MYOM1: variants seen among roughly 807,000 people sequenced by gnomAD.
The protein encoded by MYOM1 is myomesin 1.
A neutral mutation model predicts 205.3 loss-of-function variants in MYOM1; 164 were observed. That is an observed-to-expected ratio of 0.80 (90% CI 0.70 to 0.91). The LOEUF (loss-of-function observed/expected upper bound fraction) is 0.91. MYOM1 is among the 40% of genes least tolerant of loss of function. MYOM1 has a pLI of 0.00. For synonymous variants in MYOM1, 772 were observed against 789.4 expected, an observed-to-expected ratio of 0.98 and a Z score of 0.37; for missense variants, 2,011 against 2,127.3, an observed-to-expected ratio of 0.95 and a Z score of 1.08.
intron 5 of MYOM1, among the ~76,000 whole-genome samples, chr18:3,182,543 C>T (rs527977989): frequency 1.3e-4 from 20 of 152,306 alleles, no homozygotes; most frequent in Non-Finnish European, 2.5e-4. Flanking sequence ...AATACGTTTA[C>T]ATGGTTCAAG....
chr18:3,243,913 C>A, the MYOM1 span, among the ~76,000 whole-genome samples: 1 of 151,976 alleles, frequency 6.6e-6, no homozygotes, highest in African/African-American at 2.4e-5. Flanking sequence ...TTAGATCTCA[C>A]TTGGGGAAAA....
At chr18:3,128,380 T>G (rs550408444) in intron 18 of MYOM1, among the ~76,000 whole-genome samples, 357 of 152,330 alleles carry the variant, frequency 2.3e-3, no homozygotes, top group Non-Finnish European at 3.8e-3. Context: ...TATCAGCACA[T>G]GTGCTTCAGT....
chr18:3,139,947 T>C lies in MYOM1; in HGVS notation c.2025+1992A>G, dbSNP rs370119967. On this transcript the variant is annotated intron_variant, in intron 14 of 37. Coordinates refer to ENST00000356443, the MANE Select transcript of MYOM1 (RefSeq NM_003803.4). ...GCAGAAAACGCCTCCAAATAGTTGT[T>C]ATGTGCCCTTATTATAGGAAAGATG... is the stretch of plus-strand genomic sequence containing the variant. Among the ~76,000 whole-genome samples, 39 of 152,322 alleles carry C rather than the reference T, an allele frequency of 2.6e-4. 1 individual carries two copies. The South Asian group carries it at 7.7e-3, about 30-fold the overall frequency.
Position 3,151,753 on chromosome 18 carries a change from G to A in MYOM1, c.1784C>T (p.Pro595Leu), listed in dbSNP as rs781765438. ...AGCCACGGGCTCGGAAACTCGAGAT[G>A]GGAAACCTATTCCCATTTTATTCAC... is the stretch of plus-strand genomic sequence containing the variant. Reference protein sequence around the residue: ...RAVNKMGIGFPSRVSEPVAAL... With the variant: ...RAVNKMGIGFLSRVSEPVAAL... The change falls in exon 12 of 38, where the codon CCA becomes CTA. Residue 595 changes from proline to leucine, a missense_variant. Transcript: ENST00000356443. 2.5e-6 allele frequency: 4 copies of A among 1,613,806 alleles called. No homozygotes were observed. The highest frequency in any genetic ancestry group is 1.7e-6 in the Non-Finnish European group (2 of 1,179,784).
intron 8 of MYOM1, among the ~76,000 whole-genome samples, chr18:3,173,337 G>A (rs1203045376): frequency 3.3e-5 from 5 of 152,064 alleles, no homozygotes; most frequent in Non-Finnish European, 7.3e-5. Flanking sequence ...CTCTGTGGCA[G>A]GCCCAACCTT....
At chr18:3,112,895 G>C (rs9955606) in intron 21 of MYOM1, among the ~76,000 whole-genome samples, 122,108 of 152,164 alleles carry the variant, frequency 0.8, 49,399 homozygotes, top group Middle Eastern at 0.88. Flanking sequence ...CTTTCCATTT[G>C]TTTAAAAGCA....
At chr18:3,071,646 C>T (rs1160422348) in intron 37 of MYOM1, among the ~76,000 whole-genome samples, 188 bp downstream of exon 37, 5 of 152,186 alleles carry the variant, frequency 3.3e-5, no homozygotes, top group Non-Finnish European at 7.3e-5. Context: ...CGTGAGCCAT[C>T]GTGCCTGGCC....
At chr18:3,130,454 T>C (rs2079859501) in intron 17 of MYOM1, among the ~76,000 whole-genome samples, 1 of 152,162 alleles carries the variant, frequency 6.6e-6, no homozygotes, top group Non-Finnish European at 1.5e-5. Context: ...TTTATTTTAT[T>C]TATTTATTTA....
At chr18:3,171,614 G>A (rs764478266) in intron 8 of MYOM1, among the ~76,000 whole-genome samples, 1 of 151,760 alleles carries the variant, frequency 6.6e-6, no homozygotes, top group Non-Finnish European at 1.5e-5. Context: ...TTAGGGCAGG[G>A]GTTGGCAAGT....
intron 33 of MYOM1, among the ~76,000 whole-genome samples, chr18:3,083,418 TTTCTTTTTC>T (rs1162881789): frequency 5.3e-5 from 5 of 93,970 alleles, no homozygotes; most frequent in African/African-American, 2.1e-4. Context: ...CTTTTTTCTT[TTTCTTTTTC>T]TTTTTTTTTT....
At chr18:3,088,409 T>A (rs1219590494) in intron 29 of MYOM1, among the ~76,000 whole-genome samples, 1 of 152,090 alleles carries the variant, frequency 6.6e-6, no homozygotes, top group Non-Finnish European at 1.5e-5. Flanking sequence ...TGATTTTCCT[T>A]ATATGTATTT....
At chr18:3,241,208 T>C in the MYOM1 span, among the ~76,000 whole-genome samples, 3 of 152,124 alleles carry the variant, frequency 2.0e-5, no homozygotes, top group African/African-American at 4.8e-5. Context: ...CCCAAGACAA[T>C]GGGGAAAATA....
At chr18:3,134,860 G>T in intron 15 of MYOM1, 36 bp from the exon 16 acceptor site, 1 of 1,609,896 alleles carries the variant, frequency 6.2e-7, no homozygotes, top group Non-Finnish European at 8.5e-7. Context: ...AACTCAAGTG[G>T]TTTTAAAAAT....
intron 19 of MYOM1, 136 bp from the exon 20 acceptor site, chr18:3,120,131 G>T: frequency 8.3e-7 from 1 of 1,198,234 alleles, no homozygotes; most frequent in South Asian, 1.7e-5. Flanking sequence ...CACCCCTTTT[G>T]TAATCTCCTG....
intron 2 of MYOM1, among the ~76,000 whole-genome samples, chr18:3,211,055 AT>A (rs527625539): frequency 9.1e-4 from 139 of 152,330 alleles, no homozygotes; most frequent in African/African-American, 3.3e-3. Context: ...ACAACTCTAA[AT>A]CATCCCACAA....
chr18:3,221,030 T>C (rs1228221853), upstream of MYOM1, among the ~76,000 whole-genome samples: 2 of 152,198 alleles, frequency 1.3e-5, no homozygotes, highest in Non-Finnish European at 2.9e-5. Flanking sequence ...CAAAATTGTT[T>C]TTCTTTCTGA....
intron 5 of MYOM1, among the ~76,000 whole-genome samples, chr18:3,178,655 G>A (rs4239321): frequency 0.27 from 40,686 of 151,984 alleles, 5,803 homozygotes; most frequent in African/African-American, 0.38. Context: ...CCATATAACA[G>A]AACCCGAACT....
intron 11 of MYOM1, among the ~76,000 whole-genome samples, chr18:3,154,595 C>T (rs950760831): frequency 1.1e-4 from 16 of 146,562 alleles, no homozygotes; most frequent in African/African-American, 2.3e-4. Flanking sequence ...TAGAAATCAG[C>T]GTTTCTAAGT....
chr18:3,210,006 TC>T (rs2081171869), intron 2 of MYOM1, among the ~76,000 whole-genome samples: 1 of 152,330 alleles, frequency 6.6e-6, no homozygotes, highest in Non-Finnish European at 1.5e-5. Context: ...CACTGGGTGT[TC>T]CCCCTGTGCC....
Sources: allele counts gnomAD v4.1 joint callset (sites outside exome capture counted in the v4.1 genomes callset), GRCh38; gene constraint gnomAD v4.1.1; transcripts MANE v1.5; gene names NCBI Gene and HGNC (gene_info 2026-07-23, HGNC 2026-07-21).